Variants in SPMAP1 observed in about 807,000 individuals in gnomAD.
SPMAP1 encodes the protein sperm microtubule associated protein 1.
chr17:38,839,384 C>T, the SPMAP1 span, among the ~76,000 whole-genome samples: 2 of 149,326 alleles, frequency 1.3e-5, no homozygotes, highest in Non-Finnish European at 3.0e-5. Flanking sequence ...GGGAGGATCG[C>T]TTGAACACGG....
At chr17:38,835,090 G>A in the SPMAP1 span, 5 of 1,290,598 alleles carry the variant, frequency 3.9e-6, no homozygotes, top group African/African-American at 7.3e-5. Context: ...CACACGTGGA[G>A]ACACAAATTA....
the SPMAP1 span, among the ~76,000 whole-genome samples, chr17:38,840,637 A>G: frequency 6.7e-6 from 1 of 148,910 alleles, no homozygotes; most frequent in Non-Finnish European, 1.5e-5. Context: ...AAAAAAAAAA[A>G]AAAAAAAAAA....
chr17:38,836,347 T>C, the SPMAP1 span, among the ~76,000 whole-genome samples: 1 of 151,990 alleles, frequency 6.6e-6, no homozygotes, highest in African/African-American at 2.4e-5. Flanking sequence ...ATGTCTGTAA[T>C]GCCAGCACTT....
the SPMAP1 span, among the ~76,000 whole-genome samples, chr17:38,839,510 C>T: frequency 5.3e-5 from 8 of 150,526 alleles, no homozygotes; most frequent in Admixed American, 3.3e-4. Flanking sequence ...AAAATTGGGC[C>T]GGGCACGGTG....
At chr17:38,838,220 C>T in the SPMAP1 span, among the ~76,000 whole-genome samples, 1 of 151,870 alleles carries the variant, frequency 6.6e-6, no homozygotes, top group African/African-American at 2.4e-5. Context: ...AGATAAAGGG[C>T]CTGGCATAGT....
At chr17:38,839,079 CTG>C in the SPMAP1 span, among the ~76,000 whole-genome samples, 3 of 102,484 alleles carry the variant, frequency 2.9e-5, no homozygotes, top group African/African-American at 1.3e-4. Flanking sequence ...GAGTGAGACT[CTG>C]TCTCAAAAAA....
chr17:38,839,459 C>T, the SPMAP1 span, among the ~76,000 whole-genome samples: 1 of 127,798 alleles, frequency 7.8e-6, no homozygotes, highest in African/African-American at 2.8e-5. Context: ...CAGAACAAGA[C>T]CCTGTCTCAA....
the SPMAP1 span, chr17:38,835,200 G>A: frequency 6.8e-6 from 11 of 1,614,194 alleles, 1 homozygote; most frequent in Admixed American, 1.7e-4. Context: ...TAGAACAGAG[G>A]GAAGTGGGTG....
the SPMAP1 span, chr17:38,835,384 A>T: frequency 6.2e-7 from 1 of 1,609,502 alleles, no homozygotes. Flanking sequence ...GCCTGCATTC[A>T]GCCCACCTCT....
chr17:38,840,405 C>G, the SPMAP1 span, among the ~76,000 whole-genome samples: 1 of 152,180 alleles, frequency 6.6e-6, no homozygotes, highest in African/African-American at 2.4e-5. Flanking sequence ...GAGCCCTATC[C>G]CCTTGCCTTG....
At chr17:38,835,333 C>T in the SPMAP1 span, 57 of 1,614,028 alleles carry the variant, frequency 3.5e-5, no homozygotes, top group Non-Finnish European at 4.7e-5. Context: ...CAGTCACCTG[C>T]TGGAGAGAAT....
chr17:38,837,057 G>A, the SPMAP1 span: 1 of 884,722 alleles, frequency 1.1e-6, no homozygotes, highest in East Asian at 2.4e-5. Flanking sequence ...CTGGAAGGAT[G>A]CAGTCCCTTT....
chr17:38,840,021 A>G, the SPMAP1 span, among the ~76,000 whole-genome samples: 184 of 152,212 alleles, frequency 1.2e-3, 2 homozygotes, highest in East Asian at 0.03. Flanking sequence ...ATGTTGGGGG[A>G]AAAATTGAAC....
chr17:38,839,850 G>C, the SPMAP1 span, among the ~76,000 whole-genome samples: 1 of 152,074 alleles, frequency 6.6e-6, no homozygotes, highest in Non-Finnish European at 1.5e-5. Flanking sequence ...TGTGACTCAT[G>C]TATGTCCATA....
chr17:38,839,712 A>G, the SPMAP1 span, among the ~76,000 whole-genome samples: 2 of 151,728 alleles, frequency 1.3e-5, no homozygotes, highest in African/African-American at 4.8e-5. Context: ...AAGCAGGAGA[A>G]TGGCGTGAAC....
At chr17:38,840,063 G>T in the SPMAP1 span, among the ~76,000 whole-genome samples, 39 of 152,114 alleles carry the variant, frequency 2.6e-4, no homozygotes, top group Non-Finnish European at 5.3e-4. Flanking sequence ...TCTTTGATCT[G>T]GGGGGTTGGT....
the SPMAP1 span, chr17:38,835,397 G>GC: frequency 6.3e-7 from 1 of 1,599,596 alleles, no homozygotes; most frequent in Non-Finnish European, 8.6e-7. Context: ...CCACCTCTTG[G>GC]CTTCCCCATT....
the SPMAP1 span, chr17:38,835,445 CA>C: frequency 7.9e-7 from 1 of 1,258,514 alleles, no homozygotes; most frequent in South Asian, 1.3e-5. Flanking sequence ...CAGGCGTAGT[CA>C]CTTGCATTCC....
At chr17:38,837,125 T>C in the SPMAP1 span, 1 of 1,572,740 alleles carries the variant, frequency 6.4e-7, no homozygotes, top group Non-Finnish European at 8.8e-7. Context: ...AGGCTAGAAA[T>C]GGAGGCAGCA....
Sources: gnomAD v4.1 joint callset for allele counts (sites outside exome capture counted in the v4.1 genomes callset) on GRCh38, gnomAD v4.1.1 for gene constraint, MANE v1.5 for transcripts, NCBI Gene and HGNC (gene_info 2026-07-23, HGNC 2026-07-21) for gene names.